The following PLB1 variants were observed in gnomAD, a reference collection of about 807,000 sequenced individuals.
The protein encoded by PLB1 is phospholipase B1.
PLB1 carries 242 observed loss-of-function variants against 227.4 expected under a neutral mutation model. That is an observed-to-expected ratio of 1.06 (90% CI 0.96 to 1.18). PLB1 has a LOEUF of 1.18. Ranked by LOEUF, PLB1 falls within the 50% of genes most tolerant of loss-of-function variation. PLB1 has a pLI of 0.00. For missense variants in PLB1, 1,858 were observed against 1,816.3 expected (o/e 1.02, Z -0.42); for synonymous variants, 757 against 682.2 (o/e 1.11, Z -1.71).
chr2:28,634,835 T>C (rs1055669062), intron 56 of PLB1, among the ~76,000 whole-genome samples: 3 of 151,776 alleles, frequency 2.0e-5, no homozygotes, highest in African/African-American at 7.3e-5. Context: ...CACTTGAGCA[T>C]GGGAGGTCAA....
At chr2:28,626,549 G>C in intron 51 of PLB1, 41 bp downstream of exon 51, 1 of 1,566,726 alleles carries the variant, frequency 6.4e-7, no homozygotes, top group Admixed American at 1.7e-5. Flanking sequence ...GAGAAGGAAG[G>C]TGCTGACCTC....
chr2:28,589,573 G>A lies in PLB1; in HGVS notation c.1920+19G>A, dbSNP rs371190051. Reference sequence around the variant, plus strand: ...GACCTCGGTAAAGAAAGCAAGCATCGTAGAAAAATAGAATCCACAGATAGT... The same window carrying A: ...GACCTCGGTAAAGAAAGCAAGCATCATAGAAAAATAGAATCCACAGATAGT... On this transcript the variant is annotated intron_variant, in intron 27 of 57. Coordinates refer to ENST00000327757, the MANE Select transcript of PLB1 (RefSeq NM_153021.5). The A allele has an allele frequency of 1.6e-4, 253 of 1,612,942 alleles. 3 individuals are homozygous for A. The highest frequency in any genetic ancestry group is 9.2e-4 in the Admixed American group (55 of 60,002).
At chr2:28,590,597 G>A (rs928695762) in intron 29 of PLB1, among the ~76,000 whole-genome samples, 1 of 152,098 alleles carries the variant, frequency 6.6e-6, no homozygotes, top group East Asian at 1.9e-4. Flanking sequence ...GATTCTTGGA[G>A]CTCTGCAGCA....
rs576308354 is a variant in PLB1, at chr2:28,548,175, C to T, written c.937-685C>T. ...GACCCAGGCCCCATAACTTGCTTCACTCAAAGCTGTGAAAGCAGTTCTCAG... is the reference window on the plus strand; with the variant it reads ...GACCCAGGCCCCATAACTTGCTTCATTCAAAGCTGTGAAAGCAGTTCTCAG... On this transcript the variant is annotated intron_variant, in intron 14 of 57. Transcript: ENST00000327757. 3.3e-5 allele frequency among the ~76,000 whole-genome samples: 5 copies of T among 152,272 alleles called. No individual in the cohort carries two copies. In the South Asian group the frequency reaches 1.0e-3, roughly 32 times the overall value.
At chr2:28,560,903 CTG>C (rs1024472903) in intron 17 of PLB1, among the ~76,000 whole-genome samples, 3 of 152,362 alleles carry the variant, frequency 2.0e-5, no homozygotes, top group East Asian at 1.9e-4. Context: ...GCAAGCCAAA[CTG>C]TGACTAGCTG....
rs879045122 is a variant in PLB1, at chr2:28,538,359, T to C, written c.596T>C (p.Val199Ala). The change falls in exon 10 of 58, where the codon GTG (valine) becomes GCG (alanine). Residue 199 changes from valine (V) to alanine (A), a missense_variant. Coordinates refer to ENST00000327757, the MANE Select transcript of PLB1 (RefSeq NM_153021.5). The part of the protein sequence containing the change: ...AAGGVDELMG[V>A]LDYLQQEVPR... ...GGCGGCGTGGATGAGCTGATGGGGGTGCTGGACTACCTGCAGCAGGAGGTG... is the reference window on the plus strand; with the variant it reads ...GGCGGCGTGGATGAGCTGATGGGGGCGCTGGACTACCTGCAGCAGGAGGTG... The C allele has an allele frequency of 1.5e-5, 24 of 1,610,784 alleles. No individual in the cohort carries two copies. Among genetic ancestry groups the C allele is most frequent in the Non-Finnish European group, 1.9e-5 (23 of 1,179,574 alleles).
chr2:28,580,947 G>T (rs1679826543), intron 23 of PLB1, among the ~76,000 whole-genome samples: 1 of 152,090 alleles, frequency 6.6e-6, no homozygotes, highest in Non-Finnish European at 1.5e-5. Context: ...CCACTTTCTT[G>T]GCATCAAAGT....
Position 28,582,125 on chromosome 2 carries a change from C to T in PLB1, c.1624C>T (p.His542Tyr). Residue 542 changes from histidine (H) to tyrosine (Y), a missense_variant, in exon 24 of 58, where the codon CAT (histidine) becomes TAT (tyrosine). His to Tyr is a moderately conservative substitution (Grantham distance 83). Coordinates refer to ENST00000327757, the MANE Select transcript of PLB1 (RefSeq NM_153021.5). ...DNIGKALDIL[H>Y]AEVPRAFVNL... ...CATTGGAAAGGCCCTGGACATCCTC[C>T]ATGCTGAGGTACGGAGGCTAGGCCA... 6.2e-7 allele frequency: 1 copy of T among 1,613,782 alleles called. No homozygotes were observed. Among genetic ancestry groups the T allele is most frequent in the Non-Finnish European group, 8.5e-7 (1 of 1,179,660 alleles).
At chr2:28,499,812 G>A (rs1666876597) in intron 1 of PLB1, among the ~76,000 whole-genome samples, 1 of 152,110 alleles carries the variant, frequency 6.6e-6, no homozygotes, top group Non-Finnish European at 1.5e-5. Context: ...TTGAACCTGG[G>A]AGGTGGAGGT....
chr2:28,514,371 A>G (rs972078853), intron 1 of PLB1, among the ~76,000 whole-genome samples: 31 of 152,128 alleles, frequency 2.0e-4, no homozygotes, highest in African/African-American at 7.5e-4. Context: ...GTCAGATAGT[A>G]TCAGTCTTCT....
intron 16 of PLB1, among the ~76,000 whole-genome samples, chr2:28,551,269 C>T (rs1441849552): frequency 5.9e-5 from 9 of 152,212 alleles, no homozygotes; most frequent in South Asian, 2.1e-4. Context: ...CCCTGACGGG[C>T]GCTCATGCCT....
In PLB1 at chr2:28,563,076, G is replaced by A; in HGVS notation, c.1183G>A (p.Gly395Arg). 6.2e-7 allele frequency: 1 copy of A among 1,613,776 alleles called. No homozygotes were observed. Among genetic ancestry groups the A allele is most frequent in the Non-Finnish European group, 8.5e-7 (1 of 1,179,768 alleles). ...GAAGCCGGCTGACATCAACGTAATTGGAGCCCTGGGTGACTCTCTCACGGT... is the reference window on the plus strand; with the variant it reads ...GAAGCCGGCTGACATCAACGTAATTAGAGCCCTGGGTGACTCTCTCACGGT... The part of the protein sequence containing the change: ...RLKPADINVI[G>R]ALGDSLTAGN... Residue 395 changes from glycine to arginine, a missense_variant, in exon 18 of 58, where the codon GGA becomes AGA. Coordinates refer to ENST00000327757, the MANE Select transcript of PLB1 (RefSeq NM_153021.5).
intron 50 of PLB1, among the ~76,000 whole-genome samples, chr2:28,625,320 G>A (rs760048277): frequency 1.3e-5 from 2 of 152,210 alleles, no homozygotes; most frequent in Non-Finnish European, 2.9e-5. Flanking sequence ...GGCCGGCTGC[G>A]GGAGGGCAAG....
At chr2:28,611,566 C>T (rs909784396) in intron 43 of PLB1, among the ~76,000 whole-genome samples, 1 of 152,184 alleles carries the variant, frequency 6.6e-6, no homozygotes, top group Non-Finnish European at 1.5e-5. Flanking sequence ...GTCTGTCTCC[C>T]CACCTGAGCC....
At chr2:28,589,603 G>A (rs1432030960) in intron 27 of PLB1, 49 bp downstream of exon 27, 2 of 1,608,620 alleles carry the variant, frequency 1.2e-6, no homozygotes, top group South Asian at 1.1e-5. Context: ...GATAGTGTGT[G>A]GCTGTTTCTG....
chr2:28,581,542 A>G (rs1016808023), intron 23 of PLB1, among the ~76,000 whole-genome samples: 1 of 133,516 alleles, frequency 7.5e-6, no homozygotes, highest in Admixed American at 7.6e-5. Context: ...AATAAAATTA[A>G]AAAAAGAGGC....
intron 2 of PLB1, 46 bp downstream of exon 2, chr2:28,516,915 G>A (rs775460973): frequency 1.9e-6 from 3 of 1,585,400 alleles, no homozygotes; most frequent in South Asian, 2.2e-5. Flanking sequence ...GGAGGGGAGA[G>A]GGAGGATTTT....
rs151050836 is a variant in PLB1 at position 28,620,917 on chromosome 2, T to C, written c.3466T>C (p.Ser1156Pro). 35 of 1,614,010 alleles carry C rather than the reference T, an allele frequency of 2.2e-5. No individual in the cohort carries two copies. The highest frequency in any genetic ancestry group is 2.9e-5 in the Non-Finnish European group (34 of 1,179,966). ...KKFNPYLLGFSTSTWEGTAGL... is the reference protein window; with the variant it reads ...KKFNPYLLGFPTSTWEGTAGL... ...GTTCAACCCTTACCTCCTTGGCTTC[T>C]CTACCAGCACCTGGGAGGGGACAGC... The change falls in exon 49 of 58, where the codon TCT becomes CCT. Residue 1156 changes from serine to proline, a missense_variant. By Grantham distance (74) the Ser-to-Pro change is moderately conservative. Transcript: ENST00000327757.
chr2:28,637,611 G>A (rs1689520466), intron 56 of PLB1, among the ~76,000 whole-genome samples: 1 of 152,222 alleles, frequency 6.6e-6, no homozygotes, highest in Admixed American at 6.5e-5. Flanking sequence ...TCTGGGACTT[G>A]GCCTGGTTCA....
Sources: allele counts gnomAD v4.1 joint callset (sites outside exome capture counted in the v4.1 genomes callset), GRCh38; gene constraint gnomAD v4.1.1; transcripts MANE v1.5; gene names NCBI Gene and HGNC (gene_info 2026-07-23, HGNC 2026-07-21).